Variants in ESYT3 observed in about 807,000 individuals in gnomAD.
The protein encoded by ESYT3 is extended synaptotagmin 3, also known as extended synaptotagmin-3.
A neutral mutation model predicts 111.5 loss-of-function variants in ESYT3; 101 were observed. The observed-to-expected ratio is 0.91, with a 90% CI of 0.77 to 1.07. The LOEUF is 1.07. Among genes scored for constraint, ESYT3 ranks in the 50% least tolerant of loss-of-function variants. The probability of loss-of-function intolerance (pLI) is 0.00; values close to 1 mark genes in which losing one functional copy is unlikely to be tolerated. For synonymous variants in ESYT3, 416 were observed against 446.8 expected, an observed-to-expected ratio of 0.93 and a Z score of 0.87; for missense variants, 1,097 against 1,109.4, an observed-to-expected ratio of 0.99 and a Z score of 0.16.
Position 138,479,112 on chromosome 3 carries a change from A to G in ESYT3, c.*2258A>G, listed in dbSNP as rs964762976. 4 of 152,260 alleles carry G rather than the reference A, an allele frequency of 2.6e-5. No homozygotes were observed. Among genetic ancestry groups the G allele is most frequent in the African/African-American group, 9.6e-5 (4 of 41,466 alleles). The allele number at this position is 152,260 out of a possible 1,614,324, so 9.4% of individuals were successfully genotyped here. ...ACAGACTTTAAAAAAAATACAAAGT[A>G]CACAGGAATATCAAACTGAAAAATA... On this transcript the variant is annotated 3_prime_UTR_variant, in exon 23 of 23. Coordinates refer to ENST00000389567, the MANE Select transcript of ESYT3 (RefSeq NM_031913.5).
chr3:138,476,403 C>T (rs1469583911), intron 21 of ESYT3, 40 bp from the exon 22 acceptor site: 6 of 1,606,740 alleles, frequency 3.7e-6, no homozygotes, highest in Non-Finnish European at 4.3e-6. Context: ...TTCCTTAATG[C>T]AGTGTTTTGG....
Position 138,469,455 on chromosome 3 carries a change from C to G in ESYT3, c.1454C>G (p.Pro485Arg). ...TCACAGAACAAGGTCAGCAAAGACC[C>G]TTCTTCCTATGTCAAACTATCTGTA... ...RFARNKVSKDPSSYVKLSVGK... is the reference protein window; with the variant it reads ...RFARNKVSKDRSSYVKLSVGK... The change falls in exon 15 of 23, where the codon CCT becomes CGT. Residue 485 changes from proline to arginine, a missense_variant. Transcript: ENST00000389567. 6.2e-7 allele frequency: 1 copy of G among 1,613,996 alleles called. No homozygotes were observed. Among genetic ancestry groups the G allele is most frequent in the Non-Finnish European group, 8.5e-7 (1 of 1,179,910 alleles).
rs2033638902 is a variant in ESYT3, at chr3:138,479,662, G to C, written c.*2808G>C. On this transcript the variant is annotated 3_prime_UTR_variant, in exon 23 of 23. Transcript: ENST00000389567. ...CTAAGTACCCCCACAGTTTACCCTT[G>C]GCTCATGGCCTTCATGTTTTATCAG... The C allele has an allele frequency of 6.6e-6, 1 of 152,182 alleles. No homozygotes were observed. Among genetic ancestry groups the C allele is most frequent in the Admixed American group, 6.5e-5 (1 of 15,280 alleles). The allele number at this position is 152,182 out of a possible 1,614,324, so 9.4% of individuals were successfully genotyped here.
Position 138,472,764 on chromosome 3 carries a change from C to T in ESYT3, c.2142C>T (p.Phe714=), listed in dbSNP as rs760771152. The T allele has an allele frequency of 1.1e-5, 18 of 1,614,232 alleles. No individual in the cohort carries two copies. Among genetic ancestry groups the T allele is most frequent in the Admixed American group, 5.0e-5 (3 of 60,030 alleles). ...PRPMKCPASP[F]AWPPKRLAPS... is the part of the protein sequence containing the mutation. Reference sequence around the variant, plus strand: ...CCATGAAATGCCCTGCCTCCCCATTCGCATGGCCGCCCAAGAGGCTGGCTC... The same window carrying T: ...CCATGAAATGCCCTGCCTCCCCATTTGCATGGCCGCCCAAGAGGCTGGCTC... The change falls in exon 18 of 23, where the codon TTC becomes TTT. Residue 714 remains phenylalanine, a synonymous_variant. Transcript: ENST00000389567.
chr3:138,460,059 CCTG>C (rs1560229609), intron 6 of ESYT3, 25 bp downstream of exon 6: 4 of 1,601,778 alleles, frequency 2.5e-6, no homozygotes, highest in Admixed American at 1.7e-5. Flanking sequence ...CTGCGGTAAG[CCTG>C]CTGCTCCCTG....
chr3:138,444,711 C>T (rs1467775067), intron 1 of ESYT3, among the ~76,000 whole-genome samples: 1 of 152,210 alleles, frequency 6.6e-6, no homozygotes, highest in African/African-American at 2.4e-5. Flanking sequence ...GCAGAGCAGG[C>T]CCGGAGCCAG....
chr3:138,465,804 C>T (rs2032899958), intron 10 of ESYT3, among the ~76,000 whole-genome samples: 1 of 152,154 alleles, frequency 6.6e-6, no homozygotes, highest in African/African-American at 2.4e-5. Context: ...CCCAGCCCTT[C>T]AGGGGTATGA....
intron 1 of ESYT3, 149 bp from the exon 2 acceptor site, chr3:138,451,899 A>G (rs2031954665): frequency 1.2e-6 from 1 of 803,732 alleles, no homozygotes; most frequent in African/African-American, 1.7e-5. Flanking sequence ...GGGTGCGGAG[A>G]GCGCACCTGT....
Position 138,473,614 on chromosome 3 carries a change from C to T in ESYT3, c.2316C>T (p.Ser772=), listed in dbSNP as rs369210636. ...ATGTGTGTCTGCGGCGCTGCCTCAG[C>T]GTGCTAATCAATGGCTGCAGGTAAA... The part of the protein sequence containing the change: ...VRYVCLRRCL[S]VLINGCRNLT... The change falls in exon 19 of 23, where the codon AGC becomes AGT. Residue 772 remains serine (S), a synonymous_variant. Transcript: ENST00000389567. 25 of 1,613,382 alleles carry T rather than the reference C, an allele frequency of 1.5e-5. No homozygotes were observed. The highest frequency in any genetic ancestry group is 4.4e-5 in the South Asian group (4 of 91,048).
rs2030592664 is a variant in ESYT3, at chr3:138,435,504, A to T, written c.327+379A>T. Among the ~76,000 whole-genome samples the T allele has an allele frequency of 6.6e-6, 1 of 152,236 alleles. No individual in the cohort carries two copies. Among genetic ancestry groups the T allele is most frequent in the Non-Finnish European group, 1.5e-5 (1 of 68,040 alleles). ...ATTTCTTCCACCCGCCTGTTGATTC[A>T]GAGAACGAACGCCGGACGCAAAACG... On this transcript the variant is annotated intron_variant, in intron 1 of 22. Transcript: ENST00000389567. This position sits in a 1 kb window ranked among gnomAD's most constrained non-coding sequence, Gnocchi z 4.8.
chr3:138,477,990 C>T lies in ESYT3; in HGVS notation c.*1136C>T, dbSNP rs1700633854. 1 of 152,194 alleles carries T rather than the reference C, an allele frequency of 6.6e-6. No individual in the cohort carries two copies. The highest frequency in any genetic ancestry group is 1.5e-5 in the Non-Finnish European group (1 of 68,030). 9.4% of individuals were successfully genotyped at this position (152,194 alleles called of 1,614,324 possible). On this transcript the variant is annotated 3_prime_UTR_variant, in exon 23 of 23. Transcript: ENST00000389567. Reference sequence around the variant, plus strand: ...CTGATTCACATGCAGATGTTCTATTCCAGAGTAGTCCAAATACTATGCTCT... The same window carrying T: ...CTGATTCACATGCAGATGTTCTATTTCAGAGTAGTCCAAATACTATGCTCT...
intron 1 of ESYT3, among the ~76,000 whole-genome samples, chr3:138,438,207 G>A (rs1004627498): frequency 2.0e-5 from 3 of 152,208 alleles, no homozygotes; most frequent in Non-Finnish European, 4.4e-5. Flanking sequence ...ATTTCTCTGC[G>A]TGAAAGAGAG....
chr3:138,457,583 G>A lies in ESYT3; in HGVS notation c.520G>A (p.Gly174Ser), dbSNP rs1177212410. Reference protein sequence around the residue: ...YFGQKCPRVNGVKAHTNTCNR... With the variant: ...YFGQKCPRVNSVKAHTNTCNR... Reference sequence around the variant, plus strand: ...TTTCTTCCAGTGTCCCAGGGTCAACGGTGTCAAGGCACACACTAATACGTG... The same window carrying A: ...TTTCTTCCAGTGTCCCAGGGTCAACAGTGTCAAGGCACACACTAATACGTG... Residue 174 changes from glycine to serine, a missense_variant, in exon 4 of 23, where the codon GGT becomes AGT. Transcript: ENST00000389567. 11 of 1,614,014 alleles carry A rather than the reference G, an allele frequency of 6.8e-6. No homozygotes were observed. The highest frequency in any genetic ancestry group is 1.6e-4 in the Middle Eastern group (1 of 6,066).
At chr3:138,452,151 T>G in intron 2 of ESYT3, 62 bp downstream of exon 2, 1 of 1,550,898 alleles carries the variant, frequency 6.4e-7, no homozygotes. Context: ...TCCCCGCGGC[T>G]GTCACCCCCA....
In ESYT3 at chr3:138,462,109, A is replaced by G. The variant is rs1200387491; in HGVS notation, c.818A>G (p.Glu273Gly). The G allele has an allele frequency of 6.2e-7, 1 of 1,614,120 alleles. No individual in the cohort carries two copies. The highest frequency in any genetic ancestry group is 1.1e-5 in the South Asian group (1 of 91,070). ...AGTGATGTGTCAGACAGCTTACTGG[A>G]GGACCTCATTGCCACCCACCTGGTG... ...GINDVSDSLL[E>G]DLIATHLVLP... Residue 273 changes from glutamate (E) to glycine (G), a missense_variant, in exon 8 of 23, where the codon GAG (glutamate) becomes GGG (glycine). By Grantham distance (98) the Glu-to-Gly change is moderately conservative. Coordinates refer to ENST00000389567, the MANE Select transcript of ESYT3 (RefSeq NM_031913.5).
At chr3:138,455,461 C>T (rs2032218935) in intron 3 of ESYT3, 133 bp downstream of exon 3, 2 of 874,580 alleles carry the variant, frequency 2.3e-6, no homozygotes, top group East Asian at 2.8e-5. Flanking sequence ...AGGGGGACAC[C>T]CTCCCGCCAC....
At chr3:138,451,944 G>A (rs1368981854) in intron 1 of ESYT3, 104 bp from the exon 2 acceptor site, 2 of 1,266,630 alleles carry the variant, frequency 1.6e-6, no homozygotes, top group Non-Finnish European at 2.3e-6. Context: ...GAAGGGTTGA[G>A]GTGCAGCGCG....
chr3:138,466,468 T>C (rs961630658), intron 10 of ESYT3, among the ~76,000 whole-genome samples: 2 of 152,248 alleles, frequency 1.3e-5, no homozygotes, highest in Admixed American at 1.3e-4. Context: ...TTTATCTTAA[T>C]GAAAACAGTT....
chr3:138,474,365 G>A lies in ESYT3; in HGVS notation c.2468+13G>A. ...TGTTTGATGAGACGTAAGTGGGCTG[G>A]TGGCCTGCCTAGAGTGCCTCACCCA... On this transcript the variant is annotated intron_variant, in intron 20 of 22. Coordinates refer to ENST00000389567, the MANE Select transcript of ESYT3 (RefSeq NM_031913.5). 1 of 1,580,698 alleles carries A rather than the reference G, an allele frequency of 6.3e-7. No individual in the cohort carries two copies. Among genetic ancestry groups the A allele is most frequent in the South Asian group, 1.2e-5 (1 of 84,264 alleles).
Sources: allele counts gnomAD v4.1 joint callset (sites outside exome capture counted in the v4.1 genomes callset), GRCh38; gene constraint gnomAD v4.1.1; non-coding constraint Gnocchi (gnomAD v3.1); transcripts MANE v1.5; gene names NCBI Gene and HGNC (gene_info 2026-07-23, HGNC 2026-07-21).